The following RETREG3 variants were observed in gnomAD, a reference collection of about 807,000 sequenced individuals.
RETREG3 encodes reticulophagy regulator family member 3, also known as reticulophagy regulator 3.
Under a neutral mutation model 50.2 loss-of-function variants are expected in RETREG3, and 23 were observed. The ratio of observed to expected loss-of-function variants is 0.46; its 90% CI spans 0.33 to 0.65. RETREG3 has a LOEUF of 0.65. Ranked by LOEUF, RETREG3 falls within the 30% of genes least tolerant of loss-of-function variation. The probability of loss-of-function intolerance (pLI) is 0.02; values close to 1 mark genes in which losing one functional copy is unlikely to be tolerated. For missense variants in RETREG3, 546 were observed against 598.0 expected (o/e 0.91, Z 0.91); for synonymous variants, 240 against 234.4 (o/e 1.02, Z -0.22).
At chr17:42,602,109 A>C (rs1299067565) in intron 1 of RETREG3, among the ~76,000 whole-genome samples, 1 of 152,096 alleles carries the variant, frequency 6.6e-6, no homozygotes, top group East Asian at 1.9e-4. Flanking sequence ...TGAGGTCAAG[A>C]GTTCAAGACC....
chr17:42,601,610 A>G (rs12949175), intron 1 of RETREG3, among the ~76,000 whole-genome samples: 58,707 of 122,332 alleles, frequency 0.48, 15,407 homozygotes, highest in South Asian at 0.63. Flanking sequence ...AACGAAAAAT[A>G]AACTAAGAAG....
At chr17:42,603,570 A>T (rs1380376387) in intron 1 of RETREG3, among the ~76,000 whole-genome samples, 2 of 152,210 alleles carry the variant, frequency 1.3e-5, no homozygotes, top group African/African-American at 4.8e-5. Flanking sequence ...AACTAAAGGT[A>T]AAGAGAGGGG....
chr17:42,608,929 C>T, intron 1 of RETREG3, 157 bp downstream of exon 1: 1 of 700,440 alleles, frequency 1.4e-6, no homozygotes, highest in Non-Finnish European at 2.3e-6. Context: ...GGTGCCGAAG[C>T]CTGCAGGCGG....
In RETREG3 at chr17:42,609,071, G is replaced by A. The variant is rs749434375; in HGVS notation, c.239+15C>T. The stretch of plus-strand genomic sequence containing the variant: ...TTCGGGACTCGGAGGGTTTCCGAGG[G>A]TCCAGTTCTCTCACCAGAAAGCCGC... On this transcript the variant is annotated intron_variant, in intron 1 of 8. Coordinates refer to ENST00000309428, the MANE Select transcript of RETREG3 (RefSeq NM_178126.4). 1.1e-5 allele frequency: 17 copies of A among 1,601,754 alleles called. No individual in the cohort carries two copies. The Admixed American group carries it at 2.2e-4, about 20-fold the overall frequency.
chr17:42,583,515 C>G lies in RETREG3; in HGVS notation c.793G>C (p.Ala265Pro), dbSNP rs533401880. Reference sequence around the variant, plus strand: ...CAAGATACCTGAGGACAGAAGGCAGCAAGCTCCTCTTCGCTGTCACTGTGG... The same window carrying G: ...CAAGATACCTGAGGACAGAAGGCAGGAAGCTCCTCTTCGCTGTCACTGTGG... The part of the protein sequence containing the change: ...DNHSDSEEEL[A>P]AFCPQLDDST... The change falls in exon 7 of 9, where the codon GCT (alanine) becomes CCT (proline). Residue 265 changes from alanine (A) to proline (P), a missense_variant. Ala to Pro is a conservative substitution (Grantham distance 27). Transcript: ENST00000309428. 1 of 1,613,710 alleles carries G rather than the reference C, an allele frequency of 6.2e-7. No individual in the cohort carries two copies. The highest frequency in any genetic ancestry group is 1.1e-5 in the South Asian group (1 of 91,078).
intron 2 of RETREG3, among the ~76,000 whole-genome samples, chr17:42,591,591 C>T (rs1302452214): frequency 1.3e-5 from 2 of 152,116 alleles, no homozygotes; most frequent in African/African-American, 4.8e-5. Context: ...CCACCCGCCT[C>T]GGACTCCCAA....
chr17:42,585,128 G>C lies in RETREG3; in HGVS notation c.724C>G (p.Gln242Glu), dbSNP rs144319552. The C allele has an allele frequency of 3.1e-5, 50 of 1,611,034 alleles. No homozygotes were observed. The highest frequency in any genetic ancestry group is 3.8e-5 in the Non-Finnish European group (45 of 1,179,016). Residue 242 changes from glutamine (Q) to glutamate (E), a missense_variant, in exon 6 of 9, where the codon CAA (glutamine) becomes GAA (glutamate). Coordinates refer to ENST00000309428, the MANE Select transcript of RETREG3 (RefSeq NM_178126.4). ...AGAATGACACCATGACACTTACATT[G>C]TCTCTCTCTCTGCTTGGACATCATG... Reference protein sequence around the residue: ...GYMMSKQRERQLRRRALHPER... With the variant: ...GYMMSKQRERELRRRALHPER...
intron 1 of RETREG3, among the ~76,000 whole-genome samples, chr17:42,594,857 A>C (rs1014632007): frequency 2.6e-4 from 40 of 152,096 alleles, no homozygotes; most frequent in Admixed American, 1.2e-3. Flanking sequence ...TCTCAAAATA[A>C]ATACATACAT....
chr17:42,608,493 C>G (rs2093172556), intron 1 of RETREG3, among the ~76,000 whole-genome samples: 1 of 152,200 alleles, frequency 6.6e-6, no homozygotes, highest in African/African-American at 2.4e-5. Context: ...CGTGTAATCT[C>G]CGTCATCATT....
chr17:42,594,332 G>A (rs1396931795), intron 1 of RETREG3, among the ~76,000 whole-genome samples: 1 of 152,216 alleles, frequency 6.6e-6, no homozygotes, highest in Non-Finnish European at 1.5e-5. Context: ...AAGGTGGGCA[G>A]ATCACCTGAG....
chr17:42,582,050 A>G lies in RETREG3; in HGVS notation c.1164T>C (p.Pro388=), dbSNP rs750645951. Residue 388 remains proline (P), a synonymous_variant, in exon 9 of 9, where the codon CCT becomes CCC. Coordinates refer to ENST00000309428, the MANE Select transcript of RETREG3 (RefSeq NM_178126.4). ...GGTTGCTGGTGAGGTTGGATCCTACAGGAAGAGCACCAAGCAGGAGCTCCG... is the reference window on the plus strand; with the variant it reads ...GGTTGCTGGTGAGGTTGGATCCTACGGGAAGAGCACCAAGCAGGAGCTCCG... ...ALPELLLGAL[P]VGSNLTSNLA... 4.3e-6 allele frequency: 7 copies of G among 1,613,948 alleles called. No individual in the cohort carries two copies. In the South Asian group the frequency reaches 7.7e-5, roughly 18 times the overall value.
intron 4 of RETREG3, among the ~76,000 whole-genome samples, 161 bp downstream of exon 4, chr17:42,586,604 A>G (rs980802562): frequency 1.3e-5 from 2 of 152,192 alleles, no homozygotes; most frequent in African/African-American, 2.4e-5. Context: ...TGTTAGTCCT[A>G]ATGGCTGGTC....
At chr17:42,609,413 T>C, upstream of RETREG3, 1 of 1,419,324 alleles carries the variant, frequency 7.0e-7, no homozygotes, top group Non-Finnish European at 9.5e-7. Flanking sequence ...GCGGGGGAGG[T>C]GGCTTCGCAC....
intron 4 of RETREG3, chr17:42,586,457 C>A: frequency 4.9e-6 from 2 of 406,130 alleles, no homozygotes; most frequent in African/African-American, 2.0e-5. Context: ...ACACAAAACC[C>A]AAAAAAACAC....
At chr17:42,594,788 T>C (rs2093140513) in intron 1 of RETREG3, among the ~76,000 whole-genome samples, 1 of 151,538 alleles carries the variant, frequency 6.6e-6, no homozygotes, top group Non-Finnish European at 1.5e-5. Context: ...GAGGCGGAGC[T>C]TGCAGTGAGC....
At chr17:42,584,832 AAAAAAC>A (rs1481540046) in intron 6 of RETREG3, among the ~76,000 whole-genome samples, 4 of 151,782 alleles carry the variant, frequency 2.6e-5, no homozygotes, top group Non-Finnish European at 4.4e-5. Flanking sequence ...AAAAAAAAAA[AAAAAAC>A]AAACCACAAA....
intron 1 of RETREG3, among the ~76,000 whole-genome samples, chr17:42,595,600 A>G (rs1254824736): frequency 3.3e-5 from 5 of 151,808 alleles, no homozygotes; most frequent in African/African-American, 1.2e-4. Flanking sequence ...CATACAAAGA[A>G]TGAGGGATGG....
At chr17:42,600,106 C>T (rs2093155847) in intron 1 of RETREG3, among the ~76,000 whole-genome samples, 1 of 151,932 alleles carries the variant, frequency 6.6e-6, no homozygotes, top group South Asian at 2.1e-4. Context: ...CAACAGGCCA[C>T]ATGTGGTACC....
intron 1 of RETREG3, among the ~76,000 whole-genome samples, chr17:42,597,521 GTGTATA>G (rs1213002222): frequency 1.5e-5 from 1 of 65,260 alleles, no homozygotes; most frequent in Non-Finnish European, 3.1e-5. Context: ...GTGTGTGTGT[GTGTATA>G]TATATATATA....
Sources: allele counts gnomAD v4.1 joint callset (sites outside exome capture counted in the v4.1 genomes callset), GRCh38; gene constraint gnomAD v4.1.1; transcripts MANE v1.5; gene names NCBI Gene and HGNC (gene_info 2026-07-23, HGNC 2026-07-21).